The following ASAP3 variants were observed in gnomAD, a reference collection of about 807,000 sequenced individuals.
ASAP3 encodes arf-GAP with SH3 domain, ANK repeat and PH domain-containing protein 3.
ASAP3 carries 85 observed loss-of-function variants against 118.2 expected under a neutral mutation model. The ratio of observed to expected loss-of-function variants is 0.72; its 90% confidence interval spans 0.60 to 0.86. The LOEUF is 0.86. Among genes scored for constraint, ASAP3 ranks in the 40% least tolerant of loss-of-function variants. The pLI, the probability that ASAP3 is intolerant of heterozygous loss-of-function variation, is 0.00. For missense variants in ASAP3, 1,026 were observed against 1,175.0 expected, an observed-to-expected ratio of 0.87 and a Z score of 1.85; for synonymous variants, 432 against 477.4, an observed-to-expected ratio of 0.90 and a Z score of 1.24.
chr1:23,434,751 G>T, intron 17 of ASAP3, 133 bp from the exon 18 acceptor site: 1 of 780,734 alleles, frequency 1.3e-6, no homozygotes, highest in Non-Finnish European at 2.1e-6. Flanking sequence ...AGATGAGACT[G>T]CAAGGGCAGA....
chr1:23,448,923 C>A (rs1641128732), intron 5 of ASAP3, among the ~76,000 whole-genome samples: 1 of 152,210 alleles, frequency 6.6e-6, no homozygotes, highest in South Asian at 2.1e-4. Flanking sequence ...GAACCCAGGA[C>A]TGGCTGGTGC....
Position 23,431,764 on chromosome 1 carries a change from T to A in ASAP3, c.2478A>T (p.Pro826=). ...PNSEEGLREP[P]GTSRPSLTSG... ...ATGTCAGGCTGGGTCTGGAGGTGCC[T>A]GGGGGCTCTCGGAGGCCCTCTTCAG... Residue 826 remains proline (P), a synonymous_variant, in exon 23 of 25, where the codon CCA becomes CCT. Transcript: ENST00000336689. 1 of 1,527,500 alleles carries A rather than the reference T, an allele frequency of 6.5e-7. No individual in the cohort carries two copies. The highest frequency in any genetic ancestry group is 8.7e-7 in the Non-Finnish European group (1 of 1,144,102). The allele number at this position is 1,527,500 out of a possible 1,614,324, so 94.6% of individuals were successfully genotyped here.
rs1309364517 is a variant in ASAP3, at chr1:23,429,845, C to T, written c.*11G>A. On this transcript the variant is annotated 3_prime_UTR_variant, in exon 25 of 25. Coordinates refer to ENST00000336689, the MANE Select transcript of ASAP3 (RefSeq NM_017707.4). ...GGGCCTAGCATGGGGCATGTGGGGGCCAGCAAGGAGCTAGTCTTGCAAAAG... is the reference window on the plus strand; with the variant it reads ...GGGCCTAGCATGGGGCATGTGGGGGTCAGCAAGGAGCTAGTCTTGCAAAAG... 3 of 1,612,356 alleles carry T rather than the reference C, an allele frequency of 1.9e-6. No homozygotes were observed. The highest frequency in any genetic ancestry group is 1.3e-5 in the African/African-American group (1 of 74,898).
At chr1:23,443,317 A>G (rs1640937544) in intron 5 of ASAP3, among the ~76,000 whole-genome samples, 1 of 152,156 alleles carries the variant, frequency 6.6e-6, no homozygotes, top group Non-Finnish European at 1.5e-5. Flanking sequence ...AATAGTGTAC[A>G]TGGTACCCAA....
At chr1:23,435,142 C>T (rs537512731) in intron 17 of ASAP3, among the ~76,000 whole-genome samples, 11 of 152,304 alleles carry the variant, frequency 7.2e-5, no homozygotes, top group African/African-American at 2.6e-4. Context: ...ACCCTCCCAC[C>T]TCAGCCTTCT....
At chr1:23,479,836 A>G (rs1425813500) in intron 1 of ASAP3, 1 of 152,178 alleles carries the variant, frequency 6.6e-6, no homozygotes, top group African/African-American at 2.4e-5. Context: ...GGATTGAGAT[A>G]GTTGTTCATA....
At chr1:23,462,672 T>A (rs1009631621) in intron 1 of ASAP3, among the ~76,000 whole-genome samples, 1 of 151,840 alleles carries the variant, frequency 6.6e-6, no homozygotes, top group Non-Finnish European at 1.5e-5. Context: ...GGCAGGAGAA[T>A]CGCTTGAACC....
rs1399469083 is a variant in ASAP3 at position 23,438,873 on chromosome 1, C to T, written c.1015-39G>A. ...GGGGCGGAGGATGTATGCATTACCT[C>T]TGGCCCTCCACATTCTTTAGGCCTC... is the stretch of plus-strand genomic sequence containing the variant. On this transcript the variant is annotated intron_variant, in intron 11 of 24. Coordinates refer to ENST00000336689, the MANE Select transcript of ASAP3 (RefSeq NM_017707.4). This position sits in a 1 kb window ranked among gnomAD's most constrained non-coding sequence, Gnocchi z 4.9. 1 of 1,592,308 alleles carries T rather than the reference C, an allele frequency of 6.3e-7. No homozygotes were observed. The highest frequency in any genetic ancestry group is 2.2e-5 in the East Asian group (1 of 44,764).
chr1:23,438,512 C>T lies in ASAP3; in HGVS notation c.1102+235G>A, dbSNP rs1640754360. Among the ~76,000 whole-genome samples the T allele has an allele frequency of 1.3e-5, 2 of 152,226 alleles. No individual in the cohort carries two copies. Among genetic ancestry groups the T allele is most frequent in the East Asian group, 1.9e-4 (1 of 5,198 alleles). On this transcript the variant is annotated intron_variant, in intron 12 of 24. Transcript: ENST00000336689. This position sits in a 1 kb window ranked among gnomAD's most constrained non-coding sequence, Gnocchi z 4.9. ...TCAAAACCCAGATGACCCAAATCCA[C>T]TCAAATATGCTCTGTATAAATAGCC...
At position 23,436,835 on chromosome 1, in the gene ASAP3, T is replaced by C. The variant is rs1570336173; in HGVS notation, c.1476+76A>G. On this transcript the variant is annotated intron_variant, in intron 15 of 24. Coordinates refer to ENST00000336689, the MANE Select transcript of ASAP3 (RefSeq NM_017707.4). The surrounding 1 kb of genome is among the most constrained non-coding windows in gnomAD (Gnocchi z 4.2). ...CCTCGGCCAGGTCCCACCCACAACC[T>C]GCAAGCCCCGCCCCCGGATGAAACT... 1.6e-6 allele frequency: 2 copies of C among 1,282,214 alleles called. No homozygotes were observed. Among genetic ancestry groups the C allele is most frequent in the Admixed American group, 2.2e-5 (1 of 45,162 alleles). 79.4% of individuals were successfully genotyped at this position (1,282,214 alleles called of 1,614,324 possible).
In ASAP3 at chr1:23,429,773, T is replaced by A. The variant is rs1489007572; in HGVS notation, c.*83A>T. ...AGAGTGAGATCCAAGAGAACAAATG[T>A]CTCAGCTCCCCAGTTTTGTGAGCTC... On this transcript the variant is annotated 3_prime_UTR_variant, in exon 25 of 25. Transcript: ENST00000336689. 5.1e-6 allele frequency: 7 copies of A among 1,375,594 alleles called. No individual in the cohort carries two copies. Among genetic ancestry groups the A allele is most frequent in the Non-Finnish European group, 7.0e-6 (7 of 993,160 alleles). 85.2% of individuals were successfully genotyped at this position (1,375,594 alleles called of 1,614,324 possible).
chr1:23,462,691 G>A (rs868312734), intron 1 of ASAP3, among the ~76,000 whole-genome samples: 2 of 152,030 alleles, frequency 1.3e-5, no homozygotes, highest in African/African-American at 2.4e-5. Flanking sequence ...CCTGGGAGGC[G>A]GAGGCTGCAG....
chr1:23,480,213 T>C (rs935740050), intron 1 of ASAP3: 1 of 152,156 alleles, frequency 6.6e-6, no homozygotes, highest in Non-Finnish European at 1.5e-5. Context: ...AAACTTTCTT[T>C]TAAAATTTCA....
chr1:23,450,429 C>T (rs1192382208), intron 5 of ASAP3, among the ~76,000 whole-genome samples: 2 of 152,100 alleles, frequency 1.3e-5, no homozygotes, highest in Admixed American at 1.3e-4. Context: ...GATTACAAAA[C>T]AGTATGTTGT....
intron 22 of ASAP3, 86 bp from the exon 23 acceptor site, chr1:23,432,004 A>ATTTT (rs757118739): frequency 2.2e-5 from 14 of 622,826 alleles, no homozygotes; most frequent in South Asian, 7.0e-5. Flanking sequence ...GGCCTCTAGG[A>ATTTT]TTTTTTTTTT....
intron 10 of ASAP3, 87 bp from the exon 11 acceptor site, chr1:23,439,317 T>C (rs1356050826): frequency 1.7e-6 from 2 of 1,212,090 alleles, no homozygotes; most frequent in African/African-American, 3.0e-5. Flanking sequence ...CCCCCACCTG[T>C]ATGATCTCTA....
rs753354426 is a variant in ASAP3 at position 23,431,706 on chromosome 1, C to T, written c.2536G>A (p.Val846Ile). Residue 846 changes from valine to isoleucine, a missense_variant, in exon 23 of 25, where the codon GTC becomes ATC. Val to Ile is a conservative substitution (Grantham distance 29). Coordinates refer to ENST00000336689, the MANE Select transcript of ASAP3 (RefSeq NM_017707.4). ...TGGGCCCTCACCAACCTGAATCTGA[C>T]GGGGAGGTACATCTCCGAAGGGGTG... ...GTTPSEMYLP[V>I]RFSSESTRSY... 240 of 1,523,480 alleles carry T rather than the reference C, an allele frequency of 1.6e-4. No homozygotes were observed. The highest frequency in any genetic ancestry group is 1.9e-4 in the Non-Finnish European group (218 of 1,142,128). The allele number at this position is 1,523,480 out of a possible 1,614,324, so 94.4% of individuals were successfully genotyped here.
At chr1:23,481,457 G>A (rs948296388) in intron 1 of ASAP3, among the ~76,000 whole-genome samples, 3 of 152,164 alleles carry the variant, frequency 2.0e-5, no homozygotes, top group African/African-American at 7.2e-5. Flanking sequence ...AAATATAAAT[G>A]CAAATGCAAA....
At chr1:23,433,586 G>C (rs1640526171) in intron 20 of ASAP3, 40 bp downstream of exon 20, 2 of 1,613,970 alleles carry the variant, frequency 1.2e-6, no homozygotes, top group East Asian at 2.2e-5. Flanking sequence ...AGCAGGGAGA[G>C]AGAAAGAGTC....
Sources: allele counts gnomAD v4.1 joint callset (sites outside exome capture counted in the v4.1 genomes callset), GRCh38; gene constraint gnomAD v4.1.1; non-coding constraint Gnocchi (gnomAD v3.1); transcripts MANE v1.5; gene names NCBI Gene and HGNC (gene_info 2026-07-23, HGNC 2026-07-21).